The following TBC1D10A variants were observed in gnomAD, a reference collection of about 807,000 sequenced individuals.
The protein encoded by TBC1D10A is EBP50-PDX interactor of 64 kDa.
Under a neutral mutation model 52.9 loss-of-function variants are expected in TBC1D10A, and 24 were observed. The ratio of observed to expected loss-of-function variants is 0.45; its 90% CI spans 0.33 to 0.64. TBC1D10A has a LOEUF of 0.64. Among genes scored for constraint, TBC1D10A ranks in the 30% least tolerant of loss-of-function variants. The pLI is 0.02. For missense variants in TBC1D10A, 602 were observed against 687.9 expected (o/e 0.88, Z 1.40); for synonymous variants, 278 against 282.9 (o/e 0.98, Z 0.17).
chr22:30,308,324 ATGCCTGCATGCC>A (rs1215809805), intron 1 of TBC1D10A, among the ~76,000 whole-genome samples: 156 of 147,866 alleles, frequency 1.1e-3, no homozygotes, highest in African/African-American at 3.4e-3. Context: ...GCATGCCTGC[ATGCCTGCATGCC>A]TGCCTGCCTG....
intron 1 of TBC1D10A, among the ~76,000 whole-genome samples, chr22:30,320,099 T>C (rs947912249): frequency 6.6e-6 from 1 of 152,146 alleles, no homozygotes; most frequent in Non-Finnish European, 1.5e-5. Flanking sequence ...ACAAGCAACA[T>C]AATCCCTGCC....
chr22:30,326,335 G>A (rs1259951345), intron 1 of TBC1D10A, among the ~76,000 whole-genome samples: 3 of 151,684 alleles, frequency 2.0e-5, no homozygotes, highest in Non-Finnish European at 4.4e-5. Context: ...CATCCCTAAG[G>A]TCTTGGCGGC....
intron 1 of TBC1D10A, among the ~76,000 whole-genome samples, chr22:30,317,077 C>T (rs545242506): frequency 4.6e-5 from 7 of 152,070 alleles, no homozygotes; most frequent in East Asian, 3.9e-4. Context: ...ATACAAACTG[C>T]GTAGTTTTTA....
intron 8 of TBC1D10A, chr22:30,293,380 G>A: frequency 2.9e-6 from 2 of 695,742 alleles, no homozygotes; most frequent in South Asian, 1.5e-5. Flanking sequence ...GCTGCGAATG[G>A]GGTACCAGGG....
chr22:30,312,079 G>A (rs1489411839), intron 1 of TBC1D10A, among the ~76,000 whole-genome samples: 3 of 152,152 alleles, frequency 2.0e-5, no homozygotes. Context: ...GGGTATTAGT[G>A]ACTGAGTGCC....
Position 30,297,622 on chromosome 22 carries a change from G to C in TBC1D10A, c.418-1779C>G, listed in dbSNP as rs191253949. ...TCATAAGGTGAAGCCAGAGAAGAAA[G>C]CCAGGTAAAAAAGGACAGGAGGTCC... On this transcript the variant is annotated intron_variant, in intron 3 of 8. Coordinates refer to ENST00000215790, the MANE Select transcript of TBC1D10A (RefSeq NM_031937.3). The surrounding 1 kb of genome is among the most constrained non-coding windows in gnomAD (Gnocchi z 4.3). The C allele has an allele frequency of 6.6e-6, 1 of 152,374 alleles. No individual in the cohort carries two copies. Among genetic ancestry groups the C allele is most frequent in the East Asian group, 1.9e-4 (1 of 5,182 alleles). The allele number at this position is 152,374 out of a possible 1,614,324, so 9.4% of individuals were successfully genotyped here. A position where few individuals can be genotyped will look rare whatever the true frequency, so the allele number is the denominator to read the frequency against.
intron 1 of TBC1D10A, among the ~76,000 whole-genome samples, chr22:30,319,896 T>C (rs1930617252): frequency 6.6e-6 from 1 of 152,188 alleles, no homozygotes; most frequent in African/African-American, 2.4e-5. Flanking sequence ...AGGGCTCTGC[T>C]CTAGTCGGCA....
At chr22:30,305,880 C>T (rs540803722) in intron 1 of TBC1D10A, among the ~76,000 whole-genome samples, 54 of 152,312 alleles carry the variant, frequency 3.5e-4, no homozygotes, top group Non-Finnish European at 6.8e-4. Context: ...GCCCCCTCAA[C>T]GCACTGATAC....
At chr22:30,307,571 C>T (rs1930334586) in intron 1 of TBC1D10A, among the ~76,000 whole-genome samples, 1 of 152,192 alleles carries the variant, frequency 6.6e-6, no homozygotes. Context: ...CCTCACCATC[C>T]ACTCATCCCT....
At chr22:30,323,078 A>G (rs544974472) in intron 1 of TBC1D10A, among the ~76,000 whole-genome samples, 11 of 144,040 alleles carry the variant, frequency 7.6e-5, no homozygotes, top group East Asian at 6.2e-4. Context: ...AATTTTTTGT[A>G]TTTTCTTGTA....
chr22:30,326,516 A>T (rs879601626), intron 1 of TBC1D10A, among the ~76,000 whole-genome samples, 157 bp downstream of exon 1: 16 of 93,788 alleles, frequency 1.7e-4, no homozygotes, highest in Non-Finnish European at 2.5e-4. Flanking sequence ...CGGGTCTAGG[A>T]AGGCAGGGGT....
chr22:30,299,451 T>C lies in TBC1D10A; in HGVS notation c.410A>G (p.Lys137Arg). The C allele has an allele frequency of 1.2e-6, 2 of 1,614,052 alleles. No individual in the cohort carries two copies. The highest frequency in any genetic ancestry group is 1.7e-6 in the Non-Finnish European group (2 of 1,179,934). The change falls in exon 3 of 9, where the codon AAG becomes AGG. Residue 137 changes from lysine (K) to arginine (R), a missense_variant. Lys to Arg is a conservative substitution (Grantham distance 26). Around this residue, in one of 3 missense-constraint regions of TBC1D10A, gnomAD observed 201 missense variants for 204.4 expected, o/e 0.98. Transcript: ENST00000215790. ...GKVKLQQNPG[K>R]FDELDMSPGD... Reference sequence around the variant, plus strand: ...AAAGGAAGGGAAACTTACGTCAAACTTTCCAGGGTTCTGCTGTAACTTCAC... The same window carrying C: ...AAAGGAAGGGAAACTTACGTCAAACCTTCCAGGGTTCTGCTGTAACTTCAC...
At chr22:30,292,904 T>C in intron 8 of TBC1D10A, 53 bp from the exon 9 acceptor site, 1 of 1,591,214 alleles carries the variant, frequency 6.3e-7, no homozygotes, top group Non-Finnish European at 8.6e-7. Context: ...GACCTTCCCC[T>C]TCTGCCTCCC....
At chr22:30,314,236 A>T (rs557686104) in intron 1 of TBC1D10A, among the ~76,000 whole-genome samples, 1 of 152,338 alleles carries the variant, frequency 6.6e-6, no homozygotes, top group Admixed American at 6.5e-5. Flanking sequence ...GCTGTCCAGT[A>T]GGCTGGGTAT....
chr22:30,301,071 G>C (rs139787175), intron 2 of TBC1D10A, among the ~76,000 whole-genome samples: 12 of 152,336 alleles, frequency 7.9e-5, no homozygotes, highest in African/African-American at 2.6e-4. Flanking sequence ...CACAAGCAGA[G>C]TGGGGGTAAA....
chr22:30,304,455 G>A, intron 2 of TBC1D10A, 76 bp downstream of exon 2: 1 of 1,599,274 alleles, frequency 6.3e-7, no homozygotes, highest in East Asian at 2.3e-5. Flanking sequence ...TTCCTAAGCT[G>A]ATGAAGTTCC....
chr22:30,307,564 C>T (rs1005399095), intron 1 of TBC1D10A, among the ~76,000 whole-genome samples: 1 of 152,198 alleles, frequency 6.6e-6, no homozygotes, highest in Non-Finnish European at 1.5e-5. Flanking sequence ...GTTTATCCCT[C>T]ACCATCCACT....
At chr22:30,307,986 G>A (rs1302859552) in intron 1 of TBC1D10A, 1 of 152,186 alleles carries the variant, frequency 6.6e-6, no homozygotes, top group Non-Finnish European at 1.5e-5. Context: ...AGTAGAGACA[G>A]GGTTTCACTA....
chr22:30,299,351 G>T, intron 3 of TBC1D10A, 93 bp downstream of exon 3: 1 of 1,264,570 alleles, frequency 7.9e-7, no homozygotes, highest in Non-Finnish European at 1.1e-6. Context: ...TGCTCATCCT[G>T]TGAGGTTCAG....
Sources: allele counts gnomAD v4.1 joint callset (sites outside exome capture counted in the v4.1 genomes callset), GRCh38; gene constraint gnomAD v4.1.1; regional missense constraint gnomAD v4.1.1; non-coding constraint Gnocchi (gnomAD v3.1); transcripts MANE v1.5; gene names NCBI Gene and HGNC (gene_info 2026-07-23, HGNC 2026-07-21).